The following LTBP2 variants were observed in gnomAD, a reference collection of about 807,000 sequenced individuals.
LTBP2 encodes latent-transforming growth factor beta-binding protein 2.
In LTBP2, 103 loss-of-function variants were observed where a neutral mutation model predicts 210.6. The ratio of observed to expected loss-of-function variants is 0.49; its 90% CI spans 0.42 to 0.58. The LOEUF (loss-of-function observed/expected upper bound fraction) is 0.58, where lower values mean the gene tolerates loss of function less well. LTBP2 is among the 20% of genes least tolerant of loss of function. The pLI, the probability that LTBP2 is intolerant of heterozygous loss-of-function variation, is 0.00. For missense variants in LTBP2, 2,313 were observed against 2,494.5 expected, an observed-to-expected ratio of 0.93 and a Z score of 1.55; for synonymous variants, 1,007 against 1,015.0, an observed-to-expected ratio of 0.99 and a Z score of 0.15.
intron 2 of LTBP2, among the ~76,000 whole-genome samples, chr14:74,598,650 G>A (rs1286486576): frequency 1.3e-5 from 2 of 152,110 alleles, no homozygotes; most frequent in Admixed American, 6.6e-5. Flanking sequence ...TACAACTCTG[G>A]GAGACAGGGC....
chr14:74,591,558 G>A (rs550042315), intron 2 of LTBP2, among the ~76,000 whole-genome samples: 7 of 152,274 alleles, frequency 4.6e-5, no homozygotes, highest in South Asian at 2.1e-4. Context: ...ACCAGCTCTC[G>A]CCGGCTTCAC....
chr14:74,532,650 C>A (rs2087366914), intron 9 of LTBP2, 102 bp from the exon 10 acceptor site: 1 of 1,366,230 alleles, frequency 7.3e-7, no homozygotes, highest in Non-Finnish European at 1.0e-6. Flanking sequence ...GATAAAACAA[C>A]AACAAAAGAG....
chr14:74,567,005 A>G (rs764893111), intron 3 of LTBP2, among the ~76,000 whole-genome samples: 3 of 152,182 alleles, frequency 2.0e-5, no homozygotes, highest in Non-Finnish European at 4.4e-5. Flanking sequence ...GGGAGGAGGT[A>G]GAGCCCTGGG....
At position 74,585,859 on chromosome 14, in the gene LTBP2, T is replaced by C. The variant is rs1267054283; in HGVS notation, c.825A>G (p.Pro275=). The change falls in exon 3 of 36, where the codon CCA becomes CCG. Residue 275 remains proline, a synonymous_variant. Coordinates refer to ENST00000261978, the MANE Select transcript of LTBP2 (RefSeq NM_000428.3). ...CCATGGAGAAGGGGACTTACCCAGC[T>C]GGTGGCGACTGTGGTGCGGGCGGCG... ...PQSPPAPQSP[P]AGTLSGLSQT... is the part of the protein sequence containing the mutation. The C allele has an allele frequency of 1.9e-6, 3 of 1,612,924 alleles. No individual in the cohort carries two copies. Among genetic ancestry groups the C allele is most frequent in the African/African-American group, 1.3e-5 (1 of 74,166 alleles).
chr14:74,529,548 G>A lies in LTBP2; in HGVS notation c.1988-426C>T, dbSNP rs80191068. On this transcript the variant is annotated intron_variant, in intron 10 of 35. Transcript: ENST00000261978. ...GGAGCTAAGGCCGGATGGGGAGCTC[G>A]GAGGACAGGGACCCTATCTTGGGTC... is the stretch of plus-strand genomic sequence containing the variant. Among the ~76,000 whole-genome samples, 435 of 152,272 alleles carry A rather than the reference G, an allele frequency of 2.9e-3. 3 individuals carry two copies. The highest frequency in any genetic ancestry group is 5.4e-3 in the Admixed American group (82 of 15,300).
intron 2 of LTBP2, among the ~76,000 whole-genome samples, chr14:74,600,088 C>T (rs888587818): frequency 2.0e-5 from 3 of 152,182 alleles, no homozygotes; most frequent in Non-Finnish European, 4.4e-5. Context: ...AGCCAGCTGA[C>T]GGGGTGTGGA....
chr14:74,605,935 A>G (rs1291865889), intron 1 of LTBP2, among the ~76,000 whole-genome samples: 1 of 152,148 alleles, frequency 6.6e-6, no homozygotes, highest in Non-Finnish European at 1.5e-5. Context: ...AGAGTCTCTA[A>G]GGATCCCTAC....
chr14:74,516,066 G>T (rs1249795630), intron 18 of LTBP2, among the ~76,000 whole-genome samples: 1 of 152,244 alleles, frequency 6.6e-6, no homozygotes, highest in Non-Finnish European at 1.5e-5. Context: ...GGGAAACCTG[G>T]AGGCTGGGAG....
chr14:74,538,882 G>T (rs1413400168), intron 8 of LTBP2, among the ~76,000 whole-genome samples: 5 of 152,242 alleles, frequency 3.3e-5, no homozygotes, highest in African/African-American at 4.8e-5. Context: ...AGAAGGAGAT[G>T]GAAAGATGAG....
At chr14:74,542,587 C>T (rs1453826791) in intron 8 of LTBP2, among the ~76,000 whole-genome samples, 1 of 152,154 alleles carries the variant, frequency 6.6e-6, no homozygotes, top group East Asian at 1.9e-4. Flanking sequence ...GACACAGGGA[C>T]GCGTGAGCAG....
chr14:74,595,604 G>T (rs1031121114), intron 2 of LTBP2, among the ~76,000 whole-genome samples: 1 of 152,132 alleles, frequency 6.6e-6, no homozygotes, highest in African/African-American at 2.4e-5. Flanking sequence ...CACCAGCCCC[G>T]CGCCCAGGCC....
At chr14:74,516,369 T>TCCCTCCCTCCCTCCCA (rs2087135490) in intron 18 of LTBP2, among the ~76,000 whole-genome samples, 1 of 74,190 alleles carries the variant, frequency 1.3e-5, no homozygotes, top group Non-Finnish European at 2.6e-5. Flanking sequence ...CCTCCCTTCC[T>TCCCTCCCTCCCTCCCA]TCCTTCCTTC....
chr14:74,515,139 A>C (rs1243699364), intron 18 of LTBP2, among the ~76,000 whole-genome samples: 2 of 152,174 alleles, frequency 1.3e-5, no homozygotes, highest in Admixed American at 6.5e-5. Flanking sequence ...GCTCACAAAC[A>C]TCTCTGAGAT....
intron 3 of LTBP2, among the ~76,000 whole-genome samples, chr14:74,578,144 G>A (rs964609364): frequency 6.6e-6 from 1 of 152,002 alleles, no homozygotes; most frequent in African/African-American, 2.4e-5. Flanking sequence ...ACAACCTAGT[G>A]GCCAACCTGC....
chr14:74,548,549 C>T (rs1383598493), intron 8 of LTBP2, among the ~76,000 whole-genome samples: 1 of 152,070 alleles, frequency 6.6e-6, no homozygotes, highest in African/African-American at 2.4e-5. Context: ...GGGTTCAACG[C>T]CTGATAGGAA....
At chr14:74,580,992 G>A (rs1341538309) in intron 3 of LTBP2, among the ~76,000 whole-genome samples, 1 of 152,176 alleles carries the variant, frequency 6.6e-6, no homozygotes, top group East Asian at 1.9e-4. Flanking sequence ...CTCCAGGGAG[G>A]GGGATAGCAA....
At chr14:74,538,236 C>T (rs565513789) in intron 8 of LTBP2, among the ~76,000 whole-genome samples, 147 of 152,118 alleles carry the variant, frequency 9.7e-4, no homozygotes, top group African/African-American at 3.4e-3. Context: ...ACACACTTAG[C>T]GCAAGGTTTG....
At chr14:74,520,822 AAT>A in intron 17 of LTBP2, among the ~76,000 whole-genome samples, 2 of 152,276 alleles carry the variant, frequency 1.3e-5, no homozygotes, top group South Asian at 4.1e-4. Flanking sequence ...TGAATGAATG[AAT>A]GAATGAATGG....
chr14:74,537,230 C>A (rs898868669), intron 8 of LTBP2, among the ~76,000 whole-genome samples: 1 of 151,204 alleles, frequency 6.6e-6, no homozygotes, highest in Non-Finnish European at 1.5e-5. Context: ...TTTGGAGGAA[C>A]AGACTAGTGT....
Sources: gnomAD v4.1 joint callset for allele counts (sites outside exome capture counted in the v4.1 genomes callset) on GRCh38, gnomAD v4.1.1 for gene constraint, MANE v1.5 for transcripts, NCBI Gene and HGNC (gene_info 2026-07-23, HGNC 2026-07-21) for gene names.